The following GABRA3 variants were observed in gnomAD, a reference collection of about 807,000 sequenced individuals.
The protein encoded by GABRA3 is gamma-aminobutyric acid type A receptor subunit alpha3.
GABRA3 carries 10 observed loss-of-function variants against 30.1 expected under a neutral mutation model. That is an observed-to-expected ratio of 0.33 (90% CI 0.20 to 0.56). GABRA3 has a LOEUF of 0.56. Ranked by LOEUF, GABRA3 falls within the 20% of genes least tolerant of loss-of-function variation. The probability of loss-of-function intolerance (pLI) is 0.89; values close to 1 mark genes in which losing one functional copy is unlikely to be tolerated. For missense variants in GABRA3, 233 were observed against 392.0 expected, an observed-to-expected ratio of 0.59 and a Z score of 3.42; for synonymous variants, 151 against 146.8, an observed-to-expected ratio of 1.03 and a Z score of -0.21.
intron 3 of GABRA3, among the ~76,000 whole-genome samples, chrX:152,328,398 A>G (rs1365535880): frequency 1.8e-5 from 2 of 111,598 alleles, no homozygotes; most frequent in Non-Finnish European, 3.8e-5. Flanking sequence ...CACAACAAAA[A>G]AGGAGAATTT....
chrX:152,189,128 G>T (rs1428773572), intron 9 of GABRA3, among the ~76,000 whole-genome samples: 1 of 112,040 alleles, frequency 8.9e-6, no homozygotes, highest in Non-Finnish European at 1.9e-5. Context: ...AGTCTAGTGA[G>T]AGGAAGACAA....
At chrX:152,241,478 C>A (rs1192560479) in intron 5 of GABRA3, among the ~76,000 whole-genome samples, 1 of 106,948 alleles carries the variant, frequency 9.4e-6, no homozygotes, top group Non-Finnish European at 2.0e-5. Context: ...GCCCTGCCCC[C>A]AGAGGTGGAG....
chrX:152,225,715 C>A lies in GABRA3; in HGVS notation c.552-870G>T, dbSNP rs746728487. Among the ~76,000 whole-genome samples the A allele has an allele frequency of 4.6e-5, 5 of 107,993 alleles. No homozygotes were observed. The East Asian group carries it at 1.5e-3, about 32-fold the overall frequency. 93.8% of individuals were successfully genotyped at this position (107,993 alleles called of 115,157 possible). ...TTATTTTTTTCAAGGCTTAACTTTC[C>A]TCGGGTTAGATAGTAGCCTCCTATG... On this transcript the variant is annotated intron_variant, in intron 5 of 9. Coordinates refer to ENST00000370314, the MANE Select transcript of GABRA3 (RefSeq NM_000808.4).
chrX:152,236,117 T>G (rs1318483679), intron 5 of GABRA3, among the ~76,000 whole-genome samples: 1 of 91,147 alleles, frequency 1.1e-5, no homozygotes, highest in African/African-American at 4.0e-5. Context: ...TAGCATTAGG[T>G]ATATCTCCCA....
chrX:152,298,810 A>G (rs968163404), intron 3 of GABRA3, among the ~76,000 whole-genome samples: 1 of 112,087 alleles, frequency 8.9e-6, no homozygotes, highest in African/African-American at 3.2e-5. Flanking sequence ...ACTGACTTCC[A>G]CAATGGTTGA....
chrX:152,339,770 T>G (rs895799651), intron 3 of GABRA3, among the ~76,000 whole-genome samples: 7 of 111,575 alleles, frequency 6.3e-5, no homozygotes, highest in African/African-American at 2.0e-4. Flanking sequence ...TCTTTCTCGT[T>G]TCACTTCTCG....
Position 152,233,939 on chromosome X carries a change from T to C in GABRA3, c.552-9094A>G, listed in dbSNP as rs1180335263. Among the ~76,000 whole-genome samples, 10 of 105,694 alleles carry C rather than the reference T, an allele frequency of 9.5e-5. No homozygotes were observed. In the East Asian group the frequency reaches 1.2e-3, roughly 13 times the overall value. The allele number at this position is 105,694 out of a possible 115,157, so 91.8% of individuals were successfully genotyped here. ...GAAATCATCATTCTCAGTAAACTAT[T>C]GCAAGCACAAAAAACCAAACACCGC... On this transcript the variant is annotated intron_variant, in intron 5 of 9. Coordinates refer to ENST00000370314, the MANE Select transcript of GABRA3 (RefSeq NM_000808.4).
intron 4 of GABRA3, among the ~76,000 whole-genome samples, chrX:152,258,780 T>G (rs188143320): frequency 5.5e-4 from 62 of 111,816 alleles, no homozygotes; most frequent in Admixed American, 5.0e-3. Flanking sequence ...AAATACACTT[T>G]GAAAATGTTG....
intron 3 of GABRA3, among the ~76,000 whole-genome samples, chrX:152,291,685 C>T (rs1467977294): frequency 9.0e-6 from 1 of 111,357 alleles, no homozygotes; most frequent in Non-Finnish European, 1.9e-5. Context: ...AGATACGTTC[C>T]ATCAATACCT....
At chrX:152,331,977 T>A (rs1940172014) in intron 3 of GABRA3, among the ~76,000 whole-genome samples, 1 of 112,201 alleles carries the variant, frequency 8.9e-6, no homozygotes, top group Non-Finnish European at 1.9e-5. Flanking sequence ...ATCAGCCAAG[T>A]TTTGAGTTGG....
intron 3 of GABRA3, among the ~76,000 whole-genome samples, chrX:152,291,877 G>A (rs12687314): frequency 0.066 from 7,328 of 111,610 alleles, 279 homozygotes; most frequent in African/African-American, 0.12. Context: ...TCATCGTGGC[G>A]GATAAGCTTT....
intron 6 of GABRA3, among the ~76,000 whole-genome samples, chrX:152,215,970 C>T (rs1432418870): frequency 9.0e-6 from 1 of 110,896 alleles, no homozygotes; most frequent in Non-Finnish European, 1.9e-5. Context: ...AAATGGCCTC[C>T]AGGTATATAA....
chrX:152,359,849 C>T (rs972507872), intron 2 of GABRA3, among the ~76,000 whole-genome samples: 1 of 111,679 alleles, frequency 9.0e-6, no homozygotes, highest in Non-Finnish European at 1.9e-5. Context: ...AATATTTGGG[C>T]CATGCTTTTA....
At chrX:152,305,904 C>T (rs1439149805) in intron 3 of GABRA3, among the ~76,000 whole-genome samples, 1 of 111,506 alleles carries the variant, frequency 9.0e-6, no homozygotes, top group African/African-American at 3.3e-5. Flanking sequence ...AAAGACATTA[C>T]ATATTAGTGA....
intron 3 of GABRA3, among the ~76,000 whole-genome samples, chrX:152,327,348 G>A (rs1940081000): frequency 9.0e-6 from 1 of 111,237 alleles, no homozygotes. Flanking sequence ...GCACCAAGCG[G>A]ACCTAATAGA....
intron 1 of GABRA3, among the ~76,000 whole-genome samples, chrX:152,433,092 TCA>T (rs757092075): frequency 2.7e-5 from 3 of 111,414 alleles, no homozygotes; most frequent in Non-Finnish European, 3.8e-5. Context: ...AATTTTCCTC[TCA>T]TTCATGGTAG....
At chrX:152,239,600 A>G (rs1220298361) in intron 5 of GABRA3, among the ~76,000 whole-genome samples, 1 of 91,937 alleles carries the variant, frequency 1.1e-5, no homozygotes, top group Non-Finnish European at 2.1e-5. Flanking sequence ...GGGGTGTTAA[A>G]GTCTCCCATT....
At chrX:152,307,563 T>C (rs1022785438) in intron 3 of GABRA3, among the ~76,000 whole-genome samples, 1 of 111,414 alleles carries the variant, frequency 9.0e-6, no homozygotes, top group Admixed American at 9.5e-5. Context: ...AATGGCAGAC[T>C]AGACATAGCC....
At position 152,382,443 on chromosome X, in the gene GABRA3, GA is replaced by G. The variant is rs1335837749; in HGVS notation, c.-26-17848del. Among the ~76,000 whole-genome samples the G allele has an allele frequency of 2.7e-5, 3 of 112,267 alleles. No homozygotes were observed. In the East Asian group the frequency reaches 8.4e-4, roughly 32 times the overall value. On this transcript the variant is annotated intron_variant, in intron 1 of 9. Transcript: ENST00000370314. The stretch of plus-strand genomic sequence containing the variant: ...CCCATTACTGGGTATATACCCAAAG[GA>G]TTGTAAATCATTCTACCATAAAGGG...
Sources: allele counts gnomAD v4.1 joint callset (sites outside exome capture counted in the v4.1 genomes callset), GRCh38; gene constraint gnomAD v4.1.1; transcripts MANE v1.5; gene names NCBI Gene and HGNC (gene_info 2026-07-23, HGNC 2026-07-21).